Variants in INSL6 observed in about 807,000 individuals in gnomAD.
INSL6 encodes insulin like 6, also known as insulin-like peptide INSL6.
In INSL6, 16 loss-of-function variants were observed where a neutral mutation model predicts 9.4. The ratio of observed to expected loss-of-function variants is 1.70; its 90% confidence interval spans 1.15 to 2.59. The LOEUF is 2.59. Among genes scored for constraint, INSL6 ranks in the 30% most tolerant of loss-of-function variants. The probability of loss-of-function intolerance (pLI) is 0.00; values close to 1 mark genes in which losing one functional copy is unlikely to be tolerated. For missense variants in INSL6, 391 were observed against 257.3 expected, an observed-to-expected ratio of 1.52 and a Z score of -3.56; for synonymous variants, 154 against 96.9, an observed-to-expected ratio of 1.59 and a Z score of -3.46.
the INSL6 span, among the ~76,000 whole-genome samples, chr9:5,007,000 T>C: frequency 6.6e-6 from 1 of 152,212 alleles, no homozygotes; most frequent in Admixed American, 6.5e-5. Flanking sequence ...CCGATATTGA[T>C]AATTTATGTT....
At chr9:4,998,535 A>G in the INSL6 span, among the ~76,000 whole-genome samples, 85 of 152,066 alleles carry the variant, frequency 5.6e-4, 1 homozygote, top group African/African-American at 1.8e-3. Context: ...GATTACAGGC[A>G]TGAGCCACCA....
chr9:5,146,605 T>C (rs567078098), intron 2 of INSL6, among the ~76,000 whole-genome samples: 1 of 152,322 alleles, frequency 6.6e-6, no homozygotes, highest in African/African-American at 2.4e-5. Context: ...GGTGGAGCAC[T>C]GGTGGGGGTG....
the INSL6 span, among the ~76,000 whole-genome samples, chr9:5,016,439 A>G: frequency 6.6e-6 from 1 of 152,188 alleles, no homozygotes; most frequent in African/African-American, 2.4e-5. Context: ...GAATGGTGCA[A>G]TGAGCCTGCA....
At chr9:5,162,893 A>G (rs975465180), downstream of INSL6, among the ~76,000 whole-genome samples, 1 of 152,194 alleles carries the variant, frequency 6.6e-6, no homozygotes, top group Admixed American at 6.5e-5. Context: ...ATGGGTACGA[A>G]GTAGGAATTC....
At chr9:5,155,008 A>C (rs1421024316) in intron 2 of INSL6, among the ~76,000 whole-genome samples, 2 of 152,100 alleles carry the variant, frequency 1.3e-5, no homozygotes, top group East Asian at 3.9e-4. Flanking sequence ...TCATGCTGCT[A>C]TAAAGACACA....
intron 1 of INSL6, among the ~76,000 whole-genome samples, chr9:5,178,439 C>A (rs929297033): frequency 1.3e-5 from 2 of 152,220 alleles, no homozygotes; most frequent in African/African-American, 4.8e-5. Context: ...TTAAGCAGGA[C>A]ACTGATCCAT....
At chr9:5,160,720 A>G (rs1202573542), downstream of INSL6, among the ~76,000 whole-genome samples, 1 of 152,222 alleles carries the variant, frequency 6.6e-6, no homozygotes, top group Non-Finnish European at 1.5e-5. Flanking sequence ...AAAAAGTGAC[A>G]AGACACAAAT....
chr9:5,115,643 A>G, the INSL6 span, among the ~76,000 whole-genome samples: 1 of 152,366 alleles, frequency 6.6e-6, no homozygotes, highest in Admixed American at 6.5e-5. Flanking sequence ...TCACAATAGC[A>G]AAGACTTGGA....
At chr9:5,165,182 G>A (rs952328510) in intron 1 of INSL6, among the ~76,000 whole-genome samples, 11 of 152,142 alleles carry the variant, frequency 7.2e-5, no homozygotes, top group Middle Eastern at 3.2e-3. Context: ...CTGCACTCCG[G>A]TCTAGGTGAC....
At chr9:5,023,471 G>C in the INSL6 span, among the ~76,000 whole-genome samples, 1 of 152,126 alleles carries the variant, frequency 6.6e-6, no homozygotes, top group African/African-American at 2.4e-5. Context: ...TTCCTCACTG[G>C]AATAGGAAAT....
At chr9:4,993,288 A>C in the INSL6 span, among the ~76,000 whole-genome samples, 1 of 152,224 alleles carries the variant, frequency 6.6e-6, no homozygotes, top group African/African-American at 2.4e-5. Context: ...TTTAGATCTT[A>C]AGAAAGGATC....
chr9:5,159,599 T>TA (rs1824881914), downstream of INSL6, among the ~76,000 whole-genome samples: 1 of 152,172 alleles, frequency 6.6e-6, no homozygotes, highest in Admixed American at 6.5e-5. Flanking sequence ...TAAAAAGATG[T>TA]AACAATTGTA....
the INSL6 span, chr9:5,068,992 C>G: frequency 3.8e-6 from 5 of 1,307,406 alleles, no homozygotes; most frequent in African/African-American, 4.5e-5. Flanking sequence ...GTGACTATCC[C>G]TCCCTTTCTT....
At chr9:5,081,751 A>G in the INSL6 span, 4 of 1,598,734 alleles carry the variant, frequency 2.5e-6, no homozygotes, top group Non-Finnish European at 3.4e-6. Flanking sequence ...AGAAAATGAC[A>G]TGTTACCAAA....
At chr9:5,161,516 A>G (rs1824925799), downstream of INSL6, among the ~76,000 whole-genome samples, 1 of 152,228 alleles carries the variant, frequency 6.6e-6, no homozygotes, top group South Asian at 2.1e-4. Flanking sequence ...CTTTCCTTTA[A>G]TATCTGGAAC....
At chr9:5,169,313 C>T (rs944723454) in intron 1 of INSL6, among the ~76,000 whole-genome samples, 2 of 152,162 alleles carry the variant, frequency 1.3e-5, no homozygotes, top group African/African-American at 4.8e-5. Flanking sequence ...ATTTTCCAAA[C>T]AAGCAAATTC....
chr9:5,040,278 C>A, the INSL6 span, among the ~76,000 whole-genome samples: 2 of 150,124 alleles, frequency 1.3e-5, no homozygotes, highest in African/African-American at 5.0e-5. Context: ...AGACAATCTA[C>A]TTCACACTAT....
chr9:5,089,027 T>G, the INSL6 span, among the ~76,000 whole-genome samples: 1 of 152,204 alleles, frequency 6.6e-6, no homozygotes, highest in Non-Finnish European at 1.5e-5. Context: ...AAAAGGAAAA[T>G]TCTTCCTGGA....
chr9:5,153,252 G>A (rs1302793873), intron 2 of INSL6, among the ~76,000 whole-genome samples: 7 of 152,086 alleles, frequency 4.6e-5, no homozygotes, highest in African/African-American at 1.4e-4. Flanking sequence ...GGCTCTGTGG[G>A]TCCCACCCCC....
Sources: allele counts gnomAD v4.1 joint callset (sites outside exome capture counted in the v4.1 genomes callset), GRCh38; gene constraint gnomAD v4.1.1; transcripts MANE v1.5; gene names NCBI Gene and HGNC (gene_info 2026-07-23, HGNC 2026-07-21).